The following PPARGC1B variants were observed in gnomAD, a reference collection of about 807,000 sequenced individuals.
PPARGC1B encodes peroxisome proliferator-activated receptor gamma coactivator 1-beta.
PPARGC1B carries 34 observed loss-of-function variants against 101.6 expected under a neutral mutation model. That is an observed-to-expected ratio of 0.33 (90% confidence interval 0.25 to 0.45). The LOEUF is 0.45. PPARGC1B is among the 20% of genes least tolerant of loss of function. The pLI is 1.00. For synonymous variants in PPARGC1B, 548 were observed against 539.3 expected (o/e 1.02, Z -0.22); for missense variants, 1,234 against 1,317.6 (o/e 0.94, Z 0.98).
chr5:149,751,069 G>A lies in PPARGC1B; in HGVS notation c.78+20649G>A, dbSNP rs574123476. Among the ~76,000 whole-genome samples the A allele has an allele frequency of 4.3e-3, 660 of 152,190 alleles. 3 individuals are homozygous for A. Among genetic ancestry groups the A allele is most frequent in the Non-Finnish European group, 7.2e-3 (489 of 68,030 alleles). On this transcript the variant is annotated intron_variant, in intron 1 of 11. Coordinates refer to ENST00000309241, the MANE Select transcript of PPARGC1B (RefSeq NM_133263.4). ...ATCGTTAATACCAAAGTATTTTGGA[G>A]AAATAATCTTAGATTCCTTTTACTT...
chr5:149,847,693 CTG>C lies in PPARGC1B; in HGVS notation c.*136_*137del. 1.6e-6 allele frequency: 1 copy of C among 644,468 alleles called. No individual in the cohort carries two copies. Among genetic ancestry groups the C allele is most frequent in the Non-Finnish European group, 2.7e-6 (1 of 366,896 alleles). 39.9% of individuals were successfully genotyped at this position (644,468 alleles called of 1,614,324 possible). A position where few individuals can be genotyped will look rare whatever the true frequency, so the allele number is the denominator to read the frequency against. On this transcript the variant is annotated 3_prime_UTR_variant, in exon 12 of 12. Transcript: ENST00000309241. ...GAACACCCGTGAGAGAGACTTGAAA[CTG>C]CTGTCCTTTAAAAAAAAAAAAAATC...
chr5:149,842,139 T>G (rs11953722), intron 9 of PPARGC1B, 117 bp from the exon 10 acceptor site: 1 of 1,306,408 alleles, frequency 7.7e-7, no homozygotes, highest in Non-Finnish European at 1.1e-6. Context: ...CAGCCGGTAT[T>G]GCTCACTCAG....
In PPARGC1B at chr5:149,730,366, G is replaced by A; in HGVS notation, c.24G>A (p.Ala8=). The change falls in exon 1 of 12, where the codon GCG becomes GCA. Residue 8 remains alanine, a synonymous_variant. Coordinates refer to ENST00000309241, the MANE Select transcript of PPARGC1B (RefSeq NM_133263.4). The surrounding 1 kb of genome is among the most constrained non-coding windows in gnomAD (Gnocchi z 4.0). Reference sequence around the variant, plus strand: ...AGATGGCGGGGAACGACTGCGGCGCGCTGCTGGACGAAGAGCTCTCCTCCT... The same window carrying A: ...AGATGGCGGGGAACGACTGCGGCGCACTGCTGGACGAAGAGCTCTCCTCCT... MAGNDCG[A]LLDEELSSFF... is the part of the protein sequence containing the mutation. 6.4e-7 allele frequency: 1 copy of A among 1,569,960 alleles called. No individual in the cohort carries two copies. The highest frequency in any genetic ancestry group is 8.6e-7 in the Non-Finnish European group (1 of 1,160,904).
intron 3 of PPARGC1B, 114 bp from the exon 4 acceptor site, chr5:149,830,653 G>T: frequency 1.4e-6 from 1 of 737,582 alleles, no homozygotes; most frequent in Non-Finnish European, 2.4e-6. Context: ...CCCACCCTGT[G>T]TTCTCCCTGT....
At chr5:149,830,030 CAAAAAAAAAAAAAAAA>C (rs60711433) in intron 3 of PPARGC1B, among the ~76,000 whole-genome samples, 3 of 34,264 alleles carry the variant, frequency 8.8e-5, no homozygotes, top group African/African-American at 2.6e-4. Context: ...GACTGCATCT[CAAAAAAAAAAAAAAAA>C]AAAAAAAAGA....
At chr5:149,773,699 C>T (rs765207948) in intron 1 of PPARGC1B, among the ~76,000 whole-genome samples, 3 of 152,268 alleles carry the variant, frequency 2.0e-5, no homozygotes, top group Middle Eastern at 3.4e-3. Context: ...AGAGCGGCCG[C>T]GGGAGGGACT....
intron 10 of PPARGC1B, among the ~76,000 whole-genome samples, chr5:149,843,400 A>C (rs1367644552): frequency 6.6e-6 from 1 of 152,212 alleles, no homozygotes; most frequent in Non-Finnish European, 1.5e-5. Flanking sequence ...AATAATAATA[A>C]TAGAAAGCTT....
intron 1 of PPARGC1B, among the ~76,000 whole-genome samples, chr5:149,746,670 C>T (rs1755105348): frequency 1.3e-5 from 2 of 152,120 alleles, no homozygotes; most frequent in Admixed American, 1.3e-4. Flanking sequence ...TTTGAGGAAC[C>T]ACCATACTGT....
intron 10 of PPARGC1B, among the ~76,000 whole-genome samples, chr5:149,844,155 A>G (rs908287429): frequency 6.6e-6 from 1 of 152,218 alleles, no homozygotes; most frequent in African/African-American, 2.4e-5. Flanking sequence ...GTTTTTGCCA[A>G]TTTTTTTAAA....
chr5:149,737,855 A>G (rs1223111980), intron 1 of PPARGC1B, among the ~76,000 whole-genome samples: 1 of 152,162 alleles, frequency 6.6e-6, no homozygotes, highest in Non-Finnish European at 1.5e-5. Context: ...TTAGCCGGGC[A>G]TGGTGGCGCA....
chr5:149,736,177 C>T (rs1370510953), intron 1 of PPARGC1B, among the ~76,000 whole-genome samples: 1 of 152,086 alleles, frequency 6.6e-6, no homozygotes, highest in Admixed American at 6.6e-5. Context: ...AGAACAAGTC[C>T]CTCTGCTTCT....
intron 2 of PPARGC1B, among the ~76,000 whole-genome samples, chr5:149,821,677 A>T (rs757140487): frequency 6.6e-6 from 1 of 152,122 alleles, no homozygotes; most frequent in Non-Finnish European, 1.5e-5. Flanking sequence ...CGTCCTCCTC[A>T]TGGATTTTAT....
intron 1 of PPARGC1B, among the ~76,000 whole-genome samples, chr5:149,773,570 C>T (rs1756230553): frequency 6.6e-6 from 1 of 150,828 alleles, no homozygotes; most frequent in Admixed American, 6.6e-5. Flanking sequence ...CAAAAGGCAG[C>T]TCCACCTTCA....
intron 2 of PPARGC1B, among the ~76,000 whole-genome samples, chr5:149,823,531 G>A (rs1561589799): frequency 6.6e-6 from 1 of 152,100 alleles, no homozygotes; most frequent in Non-Finnish European, 1.5e-5. Flanking sequence ...CAGGAAGACT[G>A]GGGGTGGGGC....
Position 149,833,148 on chromosome 5 carries a change from T to G in PPARGC1B, c.1075T>G (p.Tyr359Asp). Residue 359 changes from tyrosine to aspartate, a missense_variant, in exon 5 of 12, where the codon TAC becomes GAC. Coordinates refer to ENST00000309241, the MANE Select transcript of PPARGC1B (RefSeq NM_133263.4). This position sits in a 1 kb window ranked among gnomAD's most constrained non-coding sequence, Gnocchi z 4.1. ...CGTGCTCTGTGATGTCAGCAAACCC[T>G]ACCGTCTGGCCACGCCTGTTTATGC... is the stretch of plus-strand genomic sequence containing the variant. ...QDVLCDVSKPYRLATPVYASL... is the reference protein window; with the variant it reads ...QDVLCDVSKPDRLATPVYASL... 1 of 1,613,696 alleles carries G rather than the reference T, an allele frequency of 6.2e-7. No individual in the cohort carries two copies. The highest frequency in any genetic ancestry group is 8.5e-7 in the Non-Finnish European group (1 of 1,180,022).
Position 149,773,666 on chromosome 5 carries a change from T to C in PPARGC1B, c.78+43246T>C, listed in dbSNP as rs888852. Among the ~76,000 whole-genome samples, 396 of 152,292 alleles carry C rather than the reference T, an allele frequency of 2.6e-3. 1 individual carries two copies. The highest frequency in any genetic ancestry group is 8.9e-3 in the African/African-American group (371 of 41,560). On this transcript the variant is annotated intron_variant, in intron 1 of 11. Transcript: ENST00000309241. ...TTACGCACTGAGAATGTGAGGAGGC[T>C]AACAGACACGGTGATGGGAGGCAGA...
intron 1 of PPARGC1B, among the ~76,000 whole-genome samples, chr5:149,784,814 G>A (rs79204961): frequency 1.3e-5 from 2 of 151,882 alleles, no homozygotes; most frequent in African/African-American, 4.8e-5. Flanking sequence ...TCATCCGCCT[G>A]CCTTGGCCTC....
At chr5:149,749,229 G>A (rs185854781) in intron 1 of PPARGC1B, among the ~76,000 whole-genome samples, 30 of 152,238 alleles carry the variant, frequency 2.0e-4, no homozygotes, top group Admixed American at 4.6e-4. Flanking sequence ...CCTATTTACC[G>A]TTATACCTGT....
At chr5:149,738,000 A>G (rs1348421641) in intron 1 of PPARGC1B, among the ~76,000 whole-genome samples, 1 of 152,200 alleles carries the variant, frequency 6.6e-6, no homozygotes, top group African/African-American at 2.4e-5. Context: ...TCTCAAAAAA[A>G]AGATTGTTGT....
Sources: allele counts gnomAD v4.1 joint callset (sites outside exome capture counted in the v4.1 genomes callset), GRCh38; gene constraint gnomAD v4.1.1; non-coding constraint Gnocchi (gnomAD v3.1); transcripts MANE v1.5; gene names NCBI Gene and HGNC (gene_info 2026-07-23, HGNC 2026-07-21).